The following GNG12 variants were observed in gnomAD, a reference collection of about 807,000 sequenced individuals.
GNG12 encodes the protein guanine nucleotide-binding protein G(I)/G(S)/G(O) subunit gamma-12.
For synonymous variants in GNG12, 28 were observed against 29.7 expected, an observed-to-expected ratio of 0.94 and a Z score of 0.19; for missense variants, 69 against 83.8, an observed-to-expected ratio of 0.82 and a Z score of 0.69.
rs1281251120 is a variant in GNG12, at chr1:67,702,151, CA to C, written c.*3299del. ...ACTTCAGGTAAGTGCTCTATTTTAA[CA>C]TACAGATATAAGATTCTATTTGATT... On this transcript the variant is annotated 3_prime_UTR_variant, in exon 4 of 4. Coordinates refer to ENST00000370982, the MANE Select transcript of GNG12 (RefSeq NM_018841.6). The C allele has an allele frequency of 6.6e-6, 1 of 152,262 alleles. No homozygotes were observed. 9.4% of individuals were successfully genotyped at this position (152,262 alleles called of 1,614,324 possible).
At chr1:67,771,418 AC>A (rs1407168694) in intron 2 of GNG12, among the ~76,000 whole-genome samples, 6 of 152,168 alleles carry the variant, frequency 3.9e-5, no homozygotes, top group Non-Finnish European at 7.4e-5. Flanking sequence ...AGTAGTAGGA[AC>A]CTGTATTCAA....
intron 2 of GNG12, among the ~76,000 whole-genome samples, chr1:67,740,752 A>T (rs1419597546): frequency 6.6e-6 from 1 of 152,222 alleles, no homozygotes; most frequent in Non-Finnish European, 1.5e-5. Flanking sequence ...AGCAGGTTCA[A>T]GGGAGCTAAT....
intron 1 of GNG12, among the ~76,000 whole-genome samples, chr1:67,788,090 G>C (rs1000641659): frequency 6.6e-6 from 1 of 152,124 alleles, no homozygotes; most frequent in Non-Finnish European, 1.5e-5. Flanking sequence ...TTTGAACCAC[G>C]GAACCTTTTG....
chr1:67,763,197 C>T (rs1257104915), intron 2 of GNG12, among the ~76,000 whole-genome samples: 2 of 149,788 alleles, frequency 1.3e-5, no homozygotes, highest in Non-Finnish European at 3.0e-5. Flanking sequence ...TCATATATAA[C>T]CACACCAATT....
intron 2 of GNG12, among the ~76,000 whole-genome samples, chr1:67,708,880 G>A (rs774154214): frequency 5.9e-5 from 9 of 152,182 alleles, no homozygotes; most frequent in Non-Finnish European, 1.0e-4. Flanking sequence ...ACCTTTTGGA[G>A]AGGCTACAGC....
intron 3 of GNG12, among the ~76,000 whole-genome samples, chr1:67,706,656 CTTTTTTT>C (rs60300759): frequency 1.4e-5 from 2 of 141,230 alleles, no homozygotes; most frequent in Non-Finnish European, 1.5e-5. Context: ...TCTTTTCTTT[CTTTTTTT>C]TTTTTTTTTG....
At chr1:67,809,123 A>G (rs1646909217) in intron 1 of GNG12, among the ~76,000 whole-genome samples, 1 of 152,178 alleles carries the variant, frequency 6.6e-6, no homozygotes, top group East Asian at 1.9e-4. Flanking sequence ...TCCTAGAAAC[A>G]GACCCACATA....
chr1:67,811,270 G>A (rs1026000136), intron 1 of GNG12, among the ~76,000 whole-genome samples: 2 of 152,160 alleles, frequency 1.3e-5, no homozygotes, highest in African/African-American at 4.8e-5. Context: ...GAACTGGGTA[G>A]GGAGAGCTCG....
intron 1 of GNG12, among the ~76,000 whole-genome samples, chr1:67,811,294 A>C (rs1446675358): frequency 1.3e-5 from 2 of 152,112 alleles, no homozygotes; most frequent in Non-Finnish European, 2.9e-5. Context: ...TGTGCCTTCG[A>C]GGTCTCACCT....
chr1:67,726,260 C>T (rs1246243250), intron 2 of GNG12, among the ~76,000 whole-genome samples: 1 of 152,226 alleles, frequency 6.6e-6, no homozygotes, highest in African/African-American at 2.4e-5. Context: ...CCATGAGAGT[C>T]TTTAAGTTGA....
intron 2 of GNG12, among the ~76,000 whole-genome samples, chr1:67,721,979 CAA>C (rs1273328354): frequency 1.3e-5 from 2 of 152,032 alleles, no homozygotes; most frequent in Non-Finnish European, 2.9e-5. Context: ...GGTGGGCTGA[CAA>C]AGCAGAAGAA....
At chr1:67,709,475 T>C (rs1355485210) in intron 2 of GNG12, among the ~76,000 whole-genome samples, 1 of 152,096 alleles carries the variant, frequency 6.6e-6, no homozygotes, top group Non-Finnish European at 1.5e-5. Flanking sequence ...ATCAGAGGAT[T>C]TCCCTAGGAA....
Position 67,766,779 on chromosome 1 carries a change from C to A in GNG12, c.-27+10679G>T, listed in dbSNP as rs1343059219. ...GCCCTCCCTTCCTGCACAAACGGGGCCCTTTCTACCCTGAGGATGGCATCT... is the reference window on the plus strand; with the variant it reads ...GCCCTCCCTTCCTGCACAAACGGGGACCTTTCTACCCTGAGGATGGCATCT... On this transcript the variant is annotated intron_variant, in intron 2 of 3. Coordinates refer to ENST00000370982, the MANE Select transcript of GNG12 (RefSeq NM_018841.6). Among the ~76,000 whole-genome samples the A allele has an allele frequency of 4.6e-5, 7 of 152,062 alleles. No homozygotes were observed. In the East Asian group the frequency reaches 1.2e-3, roughly 25 times the overall value.
chr1:67,791,246 C>A (rs12061806), intron 1 of GNG12, among the ~76,000 whole-genome samples: 2 of 152,056 alleles, frequency 1.3e-5, no homozygotes, highest in Non-Finnish European at 2.9e-5. Context: ...ACCTTATGTT[C>A]CCTAATCAGA....
intron 2 of GNG12, among the ~76,000 whole-genome samples, chr1:67,766,098 GCACACACGCACA>G (rs1318275523): frequency 9.9e-5 from 10 of 100,816 alleles, no homozygotes; most frequent in Non-Finnish European, 2.0e-4. Flanking sequence ...ACAAAACAAG[GCACACACGCACA>G]CACACACACA....
intron 1 of GNG12, among the ~76,000 whole-genome samples, chr1:67,786,981 GTGTGTATGTA>G (rs1646772672): frequency 9.4e-6 from 1 of 106,068 alleles, no homozygotes; most frequent in African/African-American, 3.5e-5. Context: ...GTGTGTGTGT[GTGTGTATGTA>G]TATATATGTG....
chr1:67,769,981 G>C (rs1216484215), intron 2 of GNG12, among the ~76,000 whole-genome samples: 2 of 152,180 alleles, frequency 1.3e-5, no homozygotes, highest in Non-Finnish European at 1.5e-5. Flanking sequence ...GGAAGGAGGG[G>C]AGATGGAGGT....
At chr1:67,827,616 G>A (rs1170562992) in intron 1 of GNG12, among the ~76,000 whole-genome samples, 3 of 151,888 alleles carry the variant, frequency 2.0e-5, no homozygotes, top group African/African-American at 4.8e-5. Flanking sequence ...TAGTAGAGAC[G>A]GGGTTTCATC....
chr1:67,710,410 G>C (rs1646288512), intron 2 of GNG12, among the ~76,000 whole-genome samples: 1 of 150,848 alleles, frequency 6.6e-6, no homozygotes, highest in Non-Finnish European at 1.5e-5. Context: ...ATGAGGATAA[G>C]GTCAAGCATT....
Sources: gnomAD v4.1 joint callset for allele counts (sites outside exome capture counted in the v4.1 genomes callset) on GRCh38, gnomAD v4.1.1 for gene constraint, MANE v1.5 for transcripts, NCBI Gene and HGNC (gene_info 2026-07-23, HGNC 2026-07-21) for gene names.